CLASP2: variants seen among roughly 807,000 people sequenced by gnomAD.
CLASP2 encodes the protein CLIP-associating protein 2.
In CLASP2, 47 loss-of-function variants were observed where a neutral mutation model predicts 194.4. The ratio of observed to expected loss-of-function variants is 0.24; its 90% confidence interval spans 0.19 to 0.31. The LOEUF is 0.31. Among genes scored for constraint, CLASP2 ranks in the 10% least tolerant of loss-of-function variants. The probability of loss-of-function intolerance (pLI) is 1.00; values close to 1 mark genes in which losing one functional copy is unlikely to be tolerated. For missense variants in CLASP2, 1,445 were observed against 1,823.6 expected (o/e 0.79, Z 3.78); for synonymous variants, 619 against 633.5 (o/e 0.98, Z 0.34).
intron 32 of CLASP2, among the ~76,000 whole-genome samples, chr3:33,543,035 A>T (rs192309035): frequency 5.9e-5 from 9 of 152,314 alleles, no homozygotes; most frequent in African/African-American, 2.2e-4. Flanking sequence ...CTTTCAAGTC[A>T]AGTGGGAACT....
intron 23 of CLASP2, among the ~76,000 whole-genome samples, chr3:33,579,346 A>G (rs1298162331): frequency 6.6e-6 from 1 of 152,262 alleles, no homozygotes; most frequent in Non-Finnish European, 1.5e-5. Flanking sequence ...CTGGTATATT[A>G]AACAATGTTT....
intron 1 of CLASP2, among the ~76,000 whole-genome samples, chr3:33,708,143 C>G (rs2092782418): frequency 2.0e-5 from 3 of 152,084 alleles, no homozygotes. Flanking sequence ...AGTCACCATA[C>G]TGTGCATTAG....
At chr3:33,507,443 G>A (rs1170673386) in intron 37 of CLASP2, among the ~76,000 whole-genome samples, 1 of 152,136 alleles carries the variant, frequency 6.6e-6, no homozygotes, top group Non-Finnish European at 1.5e-5. Context: ...ACTGAAGACT[G>A]GATTAGATTT....
intron 1 of CLASP2, among the ~76,000 whole-genome samples, chr3:33,704,549 C>T (rs1210238115): frequency 6.6e-6 from 1 of 151,730 alleles, no homozygotes; most frequent in African/African-American, 2.4e-5. Context: ...GTCAGGAGAT[C>T]GAGACCATCC....
chr3:33,526,204 G>A (rs979022997), intron 34 of CLASP2, among the ~76,000 whole-genome samples: 2 of 151,812 alleles, frequency 1.3e-5, no homozygotes, highest in East Asian at 1.9e-4. Flanking sequence ...AACTCCTGGT[G>A]TCAAGTGATC....
chr3:33,575,588 T>G (rs2064689242), intron 24 of CLASP2, among the ~76,000 whole-genome samples: 1 of 152,110 alleles, frequency 6.6e-6, no homozygotes, highest in African/African-American at 2.4e-5. Flanking sequence ...CTTACATAAT[T>G]TTAAGTGACA....
chr3:33,543,378 G>A (rs1306348834), intron 32 of CLASP2, 55 bp downstream of exon 32: 9 of 1,231,448 alleles, frequency 7.3e-6, no homozygotes, highest in Non-Finnish European at 9.6e-6. Flanking sequence ...GTCTCAAAAA[G>A]AAAGAATGGG....
At chr3:33,536,894 T>A (rs1576075746) in intron 33 of CLASP2, among the ~76,000 whole-genome samples, 1 of 152,154 alleles carries the variant, frequency 6.6e-6, no homozygotes, top group South Asian at 2.1e-4. Context: ...GCAACTAGGG[T>A]TGCCATTAAC....
chr3:33,614,277 A>C (rs2075723748), intron 12 of CLASP2, among the ~76,000 whole-genome samples: 4 of 152,234 alleles, frequency 2.6e-5, no homozygotes. Context: ...TAGAATTTAA[A>C]GGAATTTTTC....
chr3:33,564,170 C>A (rs1265309111), intron 27 of CLASP2, among the ~76,000 whole-genome samples: 2 of 152,040 alleles, frequency 1.3e-5, no homozygotes, highest in Non-Finnish European at 2.9e-5. Flanking sequence ...TGTGTGTCAC[C>A]AATTAGAACT....
intron 34 of CLASP2, among the ~76,000 whole-genome samples, chr3:33,527,940 G>A (rs979419893): frequency 9.9e-5 from 15 of 152,078 alleles, no homozygotes; most frequent in Admixed American, 5.2e-4. Context: ...CCCAGCCTGG[G>A]TGACAGAGCG....
At chr3:33,630,735 C>T (rs2078942782) in intron 9 of CLASP2, among the ~76,000 whole-genome samples, 1 of 152,120 alleles carries the variant, frequency 6.6e-6, no homozygotes, top group Admixed American at 6.5e-5. Context: ...TGGAAGAAAG[C>T]AATGAGTAAT....
chr3:33,540,406 T>A (rs542122971), intron 32 of CLASP2, among the ~76,000 whole-genome samples: 27 of 152,034 alleles, frequency 1.8e-4, no homozygotes, highest in Admixed American at 4.6e-4. Context: ...TAGGCTGATT[T>A]AAAAAAATTT....
At chr3:33,540,414 T>A (rs572422022) in intron 32 of CLASP2, among the ~76,000 whole-genome samples, 27 of 151,316 alleles carry the variant, frequency 1.8e-4, no homozygotes, top group Middle Eastern at 3.4e-3. Context: ...TTTAAAAAAA[T>A]TTTTTTTTGT....
intron 7 of CLASP2, 76 bp downstream of exon 7, chr3:33,663,369 T>A: frequency 9.6e-7 from 1 of 1,038,812 alleles, no homozygotes; most frequent in South Asian, 1.5e-5. Flanking sequence ...TTTGAATCAG[T>A]GATATATAAT....
At chr3:33,711,105 T>G (rs1215655256) in intron 1 of CLASP2, among the ~76,000 whole-genome samples, 2 of 152,138 alleles carry the variant, frequency 1.3e-5, no homozygotes, top group Admixed American at 6.5e-5. Context: ...ATAGTATGAC[T>G]GTCAGGCAGC....
intron 32 of CLASP2, among the ~76,000 whole-genome samples, chr3:33,543,088 T>G (rs2154146238): frequency 6.6e-6 from 1 of 152,306 alleles, no homozygotes; most frequent in South Asian, 2.1e-4. Context: ...GAATGGAATT[T>G]ACAGCCAAGG....
At chr3:33,659,117 C>A in intron 7 of CLASP2, 1 of 1,449,218 alleles carries the variant, frequency 6.9e-7, no homozygotes, top group Non-Finnish European at 9.1e-7. Flanking sequence ...TGACCCAGGC[C>A]TCGCTGCAGC....
chr3:33,528,514 C>T (rs944236898), intron 34 of CLASP2, among the ~76,000 whole-genome samples: 2 of 152,142 alleles, frequency 1.3e-5, no homozygotes, highest in Non-Finnish European at 2.9e-5. Context: ...GTAATCCCAG[C>T]ATTTTGGGAT....
Sources: allele counts gnomAD v4.1 joint callset (sites outside exome capture counted in the v4.1 genomes callset), GRCh38; gene constraint gnomAD v4.1.1; transcripts MANE v1.5; gene names NCBI Gene and HGNC (gene_info 2026-07-23, HGNC 2026-07-21).